YWHAE: variants seen among roughly 807,000 people sequenced by gnomAD.
YWHAE encodes the protein tyrosine 3-monooxygenase/tryptophan 5-monooxygenase activation protein epsilon, also known as 14-3-3 protein epsilon.
YWHAE carries 4 observed loss-of-function variants against 30.1 expected under a neutral mutation model. The observed-to-expected ratio is 0.13, with a 90% CI of 0.07 to 0.30. The LOEUF is 0.30. Ranked by LOEUF, YWHAE falls within the 10% of genes least tolerant of loss-of-function variation. YWHAE has a pLI of 1.00. For synonymous variants in YWHAE, 118 were observed against 111.8 expected (o/e 1.06, Z -0.35); for missense variants, 121 against 315.9 (o/e 0.38, Z 4.68).
chr17:1,382,180 C>T (rs1230160388), intron 1 of YWHAE, among the ~76,000 whole-genome samples: 1 of 151,478 alleles, frequency 6.6e-6, no homozygotes, highest in Non-Finnish European at 1.5e-5. Flanking sequence ...TCCCATGTAA[C>T]TGGGACTTCA....
intron 1 of YWHAE, among the ~76,000 whole-genome samples, chr17:1,394,449 A>AAAAAAAAAAAAAAAAAAAACAAAC (rs2073435234): frequency 6.7e-6 from 1 of 149,090 alleles, no homozygotes; most frequent in African/African-American, 2.5e-5. Context: ...AAAAAAAAAA[A>AAAAAAAAAAAAAAAAAAAACAAAC]AAAAAAAAAA....
intron 5 of YWHAE, among the ~76,000 whole-genome samples, chr17:1,348,393 C>T (rs2072561520): frequency 6.6e-6 from 1 of 152,002 alleles, no homozygotes; most frequent in East Asian, 1.9e-4. Context: ...AGCAATGATC[C>T]CTCCCTTTAA....
chr17:1,349,786 T>C (rs2072591829), intron 5 of YWHAE, among the ~76,000 whole-genome samples: 1 of 151,720 alleles, frequency 6.6e-6, no homozygotes, highest in Admixed American at 6.6e-5. Flanking sequence ...GTAATTTTTT[T>C]TGTATTTTTA....
intron 1 of YWHAE, among the ~76,000 whole-genome samples, chr17:1,385,507 C>A (rs1280212487): frequency 1.3e-5 from 2 of 152,164 alleles, no homozygotes; most frequent in Non-Finnish European, 2.9e-5. Context: ...GGTCCCCAAC[C>A]TTTGTGGCAC....
intron 1 of YWHAE, among the ~76,000 whole-genome samples, chr17:1,378,088 G>T (rs555995944): frequency 9.2e-5 from 14 of 152,304 alleles, no homozygotes; most frequent in South Asian, 6.2e-4. Flanking sequence ...GTTTGGAGGG[G>T]ATAGTATGCA....
At chr17:1,388,118 G>GTTTTTTTTTTTTT (rs1297503908) in intron 1 of YWHAE, among the ~76,000 whole-genome samples, 11 of 15,496 alleles carry the variant, frequency 7.1e-4, no homozygotes, top group Non-Finnish European at 8.4e-4. Context: ...TTTTTGGTTG[G>GTTTTTTTTTTTTT]TTTTTTTTTT....
intron 4 of YWHAE, among the ~76,000 whole-genome samples, chr17:1,354,984 T>TTTTG: frequency 1.0e-5 from 1 of 96,604 alleles, no homozygotes; most frequent in Non-Finnish European, 2.1e-5. Flanking sequence ...TTTTTTTTTT[T>TTTTG]TTTTTTTTTT....
intron 1 of YWHAE, among the ~76,000 whole-genome samples, chr17:1,367,975 G>A (rs1463139207): frequency 1.3e-5 from 2 of 152,168 alleles, no homozygotes; most frequent in Admixed American, 1.3e-4. Flanking sequence ...GACATGTTGG[G>A]TGCTGTGGCT....
At chr17:1,369,957 G>A (rs1174319122) in intron 1 of YWHAE, among the ~76,000 whole-genome samples, 3 of 152,062 alleles carry the variant, frequency 2.0e-5, no homozygotes, top group African/African-American at 7.2e-5. Context: ...GAAGGTTTTT[G>A]CCTTGATGTT....
At chr17:1,391,618 T>G (rs1045080947) in intron 1 of YWHAE, among the ~76,000 whole-genome samples, 1 of 152,134 alleles carries the variant, frequency 6.6e-6, no homozygotes, top group South Asian at 2.1e-4. Flanking sequence ...GCATTAACAT[T>G]TAGTCAGAGA....
intron 5 of YWHAE, among the ~76,000 whole-genome samples, chr17:1,353,757 C>T (rs2072681226): frequency 1.2e-5 from 1 of 82,018 alleles, no homozygotes; most frequent in Admixed American, 1.4e-4. Flanking sequence ...CAGCAAGACT[C>T]CGTCTCAAAA....
At chr17:1,346,691 A>G (rs537002453) in intron 5 of YWHAE, among the ~76,000 whole-genome samples, 28 of 152,336 alleles carry the variant, frequency 1.8e-4, no homozygotes, top group African/African-American at 6.5e-4. Flanking sequence ...TGTCTCTACA[A>G]AAAATGAACA....
intron 1 of YWHAE, among the ~76,000 whole-genome samples, chr17:1,384,429 C>T (rs566445189): frequency 9.2e-5 from 14 of 151,510 alleles, no homozygotes; most frequent in Non-Finnish European, 1.3e-4. Flanking sequence ...CGGTGGCTCA[C>T]GCCTGTAATC....
intron 4 of YWHAE, among the ~76,000 whole-genome samples, chr17:1,359,812 T>TTTTGTGTG (rs1246096572): frequency 1.5e-5 from 2 of 130,622 alleles, no homozygotes; most frequent in African/African-American, 6.0e-5. Context: ...CACTAAATTG[T>TTTTGTGTG]TGTGTGTGTG....
At chr17:1,370,986 G>A (rs1041977134) in intron 1 of YWHAE, among the ~76,000 whole-genome samples, 6 of 152,108 alleles carry the variant, frequency 3.9e-5, no homozygotes, top group Admixed American at 6.5e-5. Flanking sequence ...GCGACACAGC[G>A]AGACTCCTTC....
chr17:1,357,178 T>C (rs1212158293), intron 4 of YWHAE, among the ~76,000 whole-genome samples: 2 of 140,482 alleles, frequency 1.4e-5, no homozygotes, highest in East Asian at 2.1e-4. Context: ...CCGAGGCGGG[T>C]GGATCACGAG....
intron 5 of YWHAE, among the ~76,000 whole-genome samples, chr17:1,353,126 T>A (rs1285405136): frequency 1.3e-5 from 2 of 152,172 alleles, no homozygotes; most frequent in African/African-American, 4.8e-5. Context: ...TCTGAAGCGT[T>A]TGCAATGAAA....
intron 1 of YWHAE, among the ~76,000 whole-genome samples, chr17:1,384,903 G>A (rs1567981014): frequency 6.6e-6 from 1 of 151,950 alleles, no homozygotes. Flanking sequence ...GTAGAGACGG[G>A]TTTCTCCATG....
At chr17:1,378,134 C>T (rs1257102273) in intron 1 of YWHAE, among the ~76,000 whole-genome samples, 1 of 152,216 alleles carries the variant, frequency 6.6e-6, no homozygotes, top group Non-Finnish European at 1.5e-5. Context: ...GTGCTACTTA[C>T]TAAGAAATTT....
Sources: gnomAD v4.1 joint callset for allele counts (sites outside exome capture counted in the v4.1 genomes callset) on GRCh38, gnomAD v4.1.1 for gene constraint, MANE v1.5 for transcripts, NCBI Gene and HGNC (gene_info 2026-07-23, HGNC 2026-07-21) for gene names.